Variants in KLF13 observed in about 807,000 individuals in gnomAD.
The protein encoded by KLF13 is Krueppel-like factor 13.
Under a neutral mutation model 16.7 loss-of-function variants are expected in KLF13, and 8 were observed. That is an observed-to-expected ratio of 0.48 (90% CI 0.28 to 0.87). The LOEUF (loss-of-function observed/expected upper bound fraction) is 0.87, where lower values mean the gene tolerates loss of function less well. Ranked by LOEUF, KLF13 falls within the 40% of genes least tolerant of loss-of-function variation. The probability of loss-of-function intolerance (pLI) is 0.10; values close to 1 mark genes in which losing one functional copy is unlikely to be tolerated. For synonymous variants in KLF13, 245 were observed against 208.4 expected (o/e 1.18, Z -1.51); for missense variants, 447 against 452.2 (o/e 0.99, Z 0.10).
At chr15:31,417,834 C>T (rs1002724205) in intron 1 of KLF13, among the ~76,000 whole-genome samples, 1 of 152,194 alleles carries the variant, frequency 6.6e-6, no homozygotes, top group African/African-American at 2.4e-5. Flanking sequence ...GCATGAGCCA[C>T]TGCGCCCGGC....
intron 1 of KLF13, among the ~76,000 whole-genome samples, chr15:31,430,378 T>C (rs188199892): frequency 7.7e-4 from 118 of 152,286 alleles, no homozygotes; most frequent in African/African-American, 2.8e-3. Flanking sequence ...AAGGATTGGG[T>C]AATTTATAAA....
At chr15:31,383,095 C>T (rs2039747935) in intron 1 of KLF13, among the ~76,000 whole-genome samples, 1 of 152,204 alleles carries the variant, frequency 6.6e-6, no homozygotes, top group Non-Finnish European at 1.5e-5. Flanking sequence ...TCTGCACCTC[C>T]TAAGAGGGGT....
At chr15:31,344,828 T>C (rs1324263057) in intron 1 of KLF13, among the ~76,000 whole-genome samples, 1 of 152,164 alleles carries the variant, frequency 6.6e-6, no homozygotes, top group Non-Finnish European at 1.5e-5. Flanking sequence ...GTTTTGACTT[T>C]GTCCTGAGGC....
chr15:31,348,949 T>C (rs1044704172), intron 1 of KLF13, among the ~76,000 whole-genome samples: 1 of 152,038 alleles, frequency 6.6e-6, no homozygotes, highest in Non-Finnish European at 1.5e-5. Flanking sequence ...GTCTCCTTTC[T>C]AAGGGTACTA....
chr15:31,345,317 G>C (rs2039096336), intron 1 of KLF13, among the ~76,000 whole-genome samples: 1 of 152,188 alleles, frequency 6.6e-6, no homozygotes, highest in Non-Finnish European at 1.5e-5. Flanking sequence ...TCCCTTGAGG[G>C]CGTGGTGTCT....
At chr15:31,361,521 G>T (rs900298774) in intron 1 of KLF13, among the ~76,000 whole-genome samples, 3 of 152,136 alleles carry the variant, frequency 2.0e-5, no homozygotes, top group African/African-American at 7.2e-5. Flanking sequence ...AGCTTAGCAG[G>T]GTGGGGTCCC....
intron 1 of KLF13, among the ~76,000 whole-genome samples, chr15:31,427,952 C>T (rs1281891147): frequency 1.3e-5 from 2 of 152,188 alleles, no homozygotes; most frequent in Non-Finnish European, 2.9e-5. Flanking sequence ...GCACTGCCTC[C>T]AATACTGGGA....
At chr15:31,405,372 C>T (rs924524633), downstream of KLF13, among the ~76,000 whole-genome samples, 2 of 152,228 alleles carry the variant, frequency 1.3e-5, no homozygotes, top group African/African-American at 4.8e-5. Context: ...CCTCTTCTGC[C>T]AGGTGAGGCC....
At chr15:31,346,914 TGGGCCAGCAGGGGAGA>T (rs2039131510) in intron 1 of KLF13, among the ~76,000 whole-genome samples, 1 of 151,578 alleles carries the variant, frequency 6.6e-6, no homozygotes, top group Admixed American at 6.6e-5. Flanking sequence ...GTGGGTTGGG[TGGGCCAGCAGGGGAGA>T]GGGGCAGCGT....
Position 31,372,386 on chromosome 15 carries a change from G to A in KLF13, c.*87G>A. ...TAATAAGAAAGAAGAGAGAGAACTT[G>A]ATGCAAAGTCCACGAAAAAACAATT... On this transcript the variant is annotated 3_prime_UTR_variant, in exon 2 of 2. Transcript: ENST00000307145. 2 of 1,316,516 alleles carry A rather than the reference G, an allele frequency of 1.5e-6. No homozygotes were observed. The highest frequency in any genetic ancestry group is 2.0e-6 in the Non-Finnish European group (2 of 1,020,286). 81.6% of individuals were successfully genotyped at this position (1,316,516 alleles called of 1,614,324 possible).
intron 1 of KLF13, among the ~76,000 whole-genome samples, chr15:31,335,084 T>G (rs956207519): frequency 5.9e-5 from 9 of 152,084 alleles, no homozygotes; most frequent in Admixed American, 4.6e-4. Context: ...CACATATGGG[T>G]GTGTGTGTGA....
chr15:31,427,918 C>T (rs1037147639), intron 1 of KLF13, among the ~76,000 whole-genome samples: 2 of 152,160 alleles, frequency 1.3e-5, no homozygotes, highest in African/African-American at 2.4e-5. Context: ...AATCTGTCCC[C>T]ATGATCCAAT....
chr15:31,372,416 T>G lies in KLF13; in HGVS notation c.*117T>G. On this transcript the variant is annotated 3_prime_UTR_variant, in exon 2 of 2. Coordinates refer to ENST00000307145, the MANE Select transcript of KLF13 (RefSeq NM_015995.4). ...AAAGTCCACGAAAAAACAATTTTTT[T>G]CACCTCAGGTGTCAAAGTAAATTTG... 1 of 1,117,790 alleles carries G rather than the reference T, an allele frequency of 8.9e-7. No homozygotes were observed. The highest frequency in any genetic ancestry group is 1.2e-6 in the Non-Finnish European group (1 of 846,796). 69.2% of individuals were successfully genotyped at this position (1,117,790 alleles called of 1,614,324 possible). A position where few individuals can be genotyped will look rare whatever the true frequency, so the allele number is the denominator to read the frequency against.
intron 2 of KLF13, among the ~76,000 whole-genome samples, chr15:31,393,868 C>G (rs1482813462): frequency 1.3e-5 from 2 of 152,094 alleles, no homozygotes; most frequent in Admixed American, 1.3e-4. Context: ...TGGAGGGCAC[C>G]GGGTCGGGCT....
intron 1 of KLF13, among the ~76,000 whole-genome samples, chr15:31,332,380 C>G (rs1026633176): frequency 3.3e-5 from 5 of 152,224 alleles, no homozygotes; most frequent in African/African-American, 1.2e-4. Flanking sequence ...ACTGTCACTC[C>G]CGCACGCCTG....
chr15:31,414,114 T>C (rs1480725856), intron 1 of KLF13, among the ~76,000 whole-genome samples: 1 of 152,158 alleles, frequency 6.6e-6, no homozygotes, highest in East Asian at 1.9e-4. Flanking sequence ...ATAGGAATAG[T>C]GTTCTTAATA....
chr15:31,415,598 C>T (rs899499648), intron 1 of KLF13, among the ~76,000 whole-genome samples: 2 of 151,866 alleles, frequency 1.3e-5, no homozygotes, highest in East Asian at 1.9e-4. Flanking sequence ...TGAGTGAAAA[C>T]GAAGATACGA....
chr15:31,344,262 G>T (rs1362835364), intron 1 of KLF13, among the ~76,000 whole-genome samples: 2 of 152,240 alleles, frequency 1.3e-5, no homozygotes, highest in Non-Finnish European at 2.9e-5. Flanking sequence ...GTCAGGAGGG[G>T]AGTGGGCACC....
intron 1 of KLF13, among the ~76,000 whole-genome samples, chr15:31,333,739 G>A (rs2038876012): frequency 6.6e-6 from 1 of 152,020 alleles, no homozygotes; most frequent in Admixed American, 6.5e-5. Context: ...CATTGCATTT[G>A]GTTGTCCTCT....
Sources: gnomAD v4.1 joint callset for allele counts (sites outside exome capture counted in the v4.1 genomes callset) on GRCh38, gnomAD v4.1.1 for gene constraint, MANE v1.5 for transcripts, NCBI Gene and HGNC (gene_info 2026-07-23, HGNC 2026-07-21) for gene names.